MTA3: variants seen among roughly 807,000 people sequenced by gnomAD.
The protein encoded by MTA3 is metastasis associated 1 family member 3.
Under a neutral mutation model 83.5 loss-of-function variants are expected in MTA3, and 34 were observed. That is an observed-to-expected ratio of 0.41 (90% CI 0.31 to 0.54). MTA3 has a LOEUF of 0.54. Ranked by LOEUF, MTA3 falls within the 20% of genes least tolerant of loss-of-function variation. MTA3 has a pLI of 0.33. For synonymous variants in MTA3, 303 were observed against 252.7 expected (o/e 1.20, Z -1.89); for missense variants, 761 against 726.4 (o/e 1.05, Z -0.55).
At chr2:42,661,506 CA>C (rs1296698587) in intron 8 of MTA3, among the ~76,000 whole-genome samples, 799 of 27,196 alleles carry the variant, frequency 0.029, 4 homozygotes, top group African/African-American at 0.15. Flanking sequence ...GACCCTGTCT[CA>C]AAAAAAAAAA....
chr2:42,560,619 C>G (rs1444505264), intron 2 of MTA3, among the ~76,000 whole-genome samples: 4 of 151,244 alleles, frequency 2.6e-5, no homozygotes, highest in Admixed American at 2.6e-4. Flanking sequence ...ACTCAAAACC[C>G]CAGGGCGTGG....
intron 2 of MTA3, among the ~76,000 whole-genome samples, chr2:42,550,005 C>T (rs944627659): frequency 4.6e-5 from 7 of 151,758 alleles, no homozygotes; most frequent in Non-Finnish European, 7.4e-5. Context: ...CTTATTTTAC[C>T]TAATATTGGC....
intron 2 of MTA3, among the ~76,000 whole-genome samples, chr2:42,557,006 G>T (rs544125690): frequency 2.1e-3 from 325 of 152,260 alleles, no homozygotes; most frequent in Non-Finnish European, 3.0e-3. Context: ...TCTGCCTCCA[G>T]AATTCTAGCT....
intron 2 of MTA3, among the ~76,000 whole-genome samples, chr2:42,528,421 T>C (rs1675816836): frequency 6.6e-6 from 1 of 151,322 alleles, no homozygotes; most frequent in Non-Finnish European, 1.5e-5. Context: ...AGTTTCGTCA[T>C]GTTGGCCAGG....
At position 42,756,327 on chromosome 2, in the gene MTA3, C is replaced by T. The variant is rs1356894644; in HGVS notation, c.*2928C>T. ...GAGAGGGGGCCCCAGCCTCTCCCCT[C>T]CTCTTGGCCTCCAGAGTCCTGCAGG... is the stretch of plus-strand genomic sequence containing the variant. On this transcript the variant is annotated 3_prime_UTR_variant, in exon 17 of 17. Coordinates refer to ENST00000405094, the MANE Select transcript of MTA3 (RefSeq NM_001330442.2). The T allele has an allele frequency of 4.9e-6, 2 of 405,728 alleles. No homozygotes were observed. Among genetic ancestry groups the T allele is most frequent in the Admixed American group, 1.3e-4 (2 of 15,602 alleles). 25.1% of individuals were successfully genotyped at this position (405,728 alleles called of 1,614,324 possible). A position where few individuals can be genotyped will look rare whatever the true frequency, so the allele number is the denominator to read the frequency against.
chr2:42,707,791 A>G lies in MTA3; in HGVS notation c.1151-112A>G, dbSNP rs911063325. ...ATGTTTGGCTTGTAAGCTGGGAACA[A>G]TAACATTGTAAACTAAGCATGACAA... is the stretch of plus-strand genomic sequence containing the variant. On this transcript the variant is annotated intron_variant, in intron 12 of 16. Coordinates refer to ENST00000405094, the MANE Select transcript of MTA3 (RefSeq NM_001330442.2). 28 of 1,204,688 alleles carry G rather than the reference A, an allele frequency of 2.3e-5. No homozygotes were observed. The African/African-American group carries it at 3.2e-4, about 14-fold the overall frequency. 74.6% of individuals were successfully genotyped at this position (1,204,688 alleles called of 1,614,324 possible).
chr2:42,504,522 G>A (rs1361258207), intron 2 of MTA3, among the ~76,000 whole-genome samples: 2 of 152,114 alleles, frequency 1.3e-5, no homozygotes, highest in Non-Finnish European at 1.5e-5. Flanking sequence ...ATCACAGGGT[G>A]AGCCACCACA....
chr2:42,700,311 G>A (rs1361189889), intron 11 of MTA3, among the ~76,000 whole-genome samples: 1 of 152,186 alleles, frequency 6.6e-6, no homozygotes. Flanking sequence ...AAAAATGTTT[G>A]CTTACAGTCA....
intron 6 of MTA3, among the ~76,000 whole-genome samples, chr2:42,647,920 C>T (rs1030173313): frequency 2.0e-5 from 3 of 152,120 alleles, no homozygotes; most frequent in African/African-American, 4.8e-5. Flanking sequence ...CTCATTGCAA[C>T]CTCCGCCTCC....
chr2:42,686,826 C>CA (rs1225697306), intron 9 of MTA3, among the ~76,000 whole-genome samples: 19 of 143,006 alleles, frequency 1.3e-4, no homozygotes, highest in South Asian at 4.5e-4. Context: ...GACTTCATCT[C>CA]AAAAAAAAAG....
chr2:42,549,250 A>G (rs1676959678), intron 2 of MTA3, among the ~76,000 whole-genome samples: 1 of 133,752 alleles, frequency 7.5e-6, no homozygotes, highest in Non-Finnish European at 1.5e-5. Context: ...TATATAATAT[A>G]TTATATATTA....
At chr2:42,550,975 C>T (rs1046144305) in intron 2 of MTA3, among the ~76,000 whole-genome samples, 1 of 151,674 alleles carries the variant, frequency 6.6e-6, no homozygotes, top group Non-Finnish European at 1.5e-5. Context: ...AGCTTGAATC[C>T]AGGAGGGGAG....
In MTA3 at chr2:42,506,627, AT is replaced by A. The variant is rs1553335016; in HGVS notation, c.-141+11376del. Among the ~76,000 whole-genome samples, 4 of 6,344 alleles carry A rather than the reference AT, an allele frequency of 6.3e-4. No homozygotes were observed. The African/African-American group carries it at 0.022, about 34-fold the overall frequency. The allele number at this position is 6,344 out of a possible 152,430, so 4.2% of individuals were successfully genotyped here. A position where few individuals can be genotyped will look rare whatever the true frequency, so the allele number is the denominator to read the frequency against. On this transcript the variant is annotated intron_variant, in intron 2 of 17. Transcript: ENST00000405592. ...TGGAGATAATTTACTTATTATTATT[AT>A]TTATTTATTTATTTATTTATTATTC...
rs534461778 is a variant in MTA3 at position 42,669,180 on chromosome 2, G to A, written c.702+9318G>A. The stretch of plus-strand genomic sequence containing the variant: ...GCTCACTGCAACCTCCACCTTCTGG[G>A]TTCAAGCGATTCTCCTGCCTCAGCC... On this transcript the variant is annotated intron_variant, in intron 8 of 16. Coordinates refer to ENST00000405094, the MANE Select transcript of MTA3 (RefSeq NM_001330442.2). Among the ~76,000 whole-genome samples the A allele has an allele frequency of 1.5e-4, 23 of 151,412 alleles. No individual in the cohort carries two copies. The East Asian group carries it at 4.1e-3, about 27-fold the overall frequency.
intron 9 of MTA3, among the ~76,000 whole-genome samples, chr2:42,694,817 T>C (rs1255113832): frequency 6.6e-6 from 1 of 152,068 alleles, no homozygotes; most frequent in African/African-American, 2.4e-5. Flanking sequence ...GCCCCACCTG[T>C]AGCTTGAGAA....
At chr2:42,691,233 A>G (rs1261316647) in intron 9 of MTA3, among the ~76,000 whole-genome samples, 2 of 151,452 alleles carry the variant, frequency 1.3e-5, no homozygotes, top group Non-Finnish European at 1.5e-5. Flanking sequence ...GATGGGCTCA[A>G]TCTCCTGACC....
chr2:42,566,961 A>T (rs1558439644), upstream of MTA3, among the ~76,000 whole-genome samples: 1 of 152,324 alleles, frequency 6.6e-6, no homozygotes, highest in East Asian at 1.9e-4. Context: ...TCAGCTCAGA[A>T]ATGGAGTGAT....
intron 3 of MTA3, among the ~76,000 whole-genome samples, chr2:42,592,611 T>A (rs1681150440): frequency 6.6e-6 from 1 of 152,098 alleles, no homozygotes; most frequent in African/African-American, 2.4e-5. Context: ...CTTTTTAAAC[T>A]TTTTTTATTA....
chr2:42,556,959 G>A (rs960063875), intron 2 of MTA3, among the ~76,000 whole-genome samples: 3 of 152,164 alleles, frequency 2.0e-5, no homozygotes, highest in African/African-American at 4.8e-5. Flanking sequence ...GGCAGAGGAA[G>A]GAGGCCCTAC....
Sources: allele counts gnomAD v4.1 joint callset (sites outside exome capture counted in the v4.1 genomes callset), GRCh38; gene constraint gnomAD v4.1.1; transcripts MANE v1.5; gene names NCBI Gene and HGNC (gene_info 2026-07-23, HGNC 2026-07-21).